SLC35F1: variants seen among roughly 807,000 people sequenced by gnomAD.
SLC35F1 encodes chromosome 6 open reading frame 169.
SLC35F1 carries 14 observed loss-of-function variants against 48.7 expected under a neutral mutation model. The observed-to-expected ratio is 0.29, with a 90% confidence interval of 0.19 to 0.45. SLC35F1 has a LOEUF of 0.45. SLC35F1 is among the 20% of genes least tolerant of loss of function. The pLI, the probability that SLC35F1 is intolerant of heterozygous loss-of-function variation, is 1.00. For missense variants in SLC35F1, 404 were observed against 500.0 expected, an observed-to-expected ratio of 0.81 and a Z score of 1.83; for synonymous variants, 190 against 202.2, an observed-to-expected ratio of 0.94 and a Z score of 0.51.
chr6:118,314,367 C>A lies in SLC35F1; in HGVS notation c.*115C>A. ...AGGTGCAGTTTACACAGGTGGACTGCAAGGTAGCAAATCCTCCAAAAGCTT... is the reference window on the plus strand; with the variant it reads ...AGGTGCAGTTTACACAGGTGGACTGAAAGGTAGCAAATCCTCCAAAAGCTT... On this transcript the variant is annotated 3_prime_UTR_variant, in exon 8 of 8. Transcript: ENST00000360388. 1.2e-6 allele frequency: 1 copy of A among 866,824 alleles called. No homozygotes were observed. Among genetic ancestry groups the A allele is most frequent in the Non-Finnish European group, 1.8e-6 (1 of 555,544 alleles). The allele number at this position is 866,824 out of a possible 1,614,324, so 53.7% of individuals were successfully genotyped here. A position where few individuals can be genotyped will look rare whatever the true frequency, so the allele number is the denominator to read the frequency against.
intron 7 of SLC35F1, among the ~76,000 whole-genome samples, chr6:118,300,858 C>G (rs1298712289): frequency 6.6e-6 from 1 of 152,114 alleles, no homozygotes; most frequent in Non-Finnish European, 1.5e-5. Context: ...GAGTCCTCAG[C>G]TTTAGCAATG....
intron 1 of SLC35F1, among the ~76,000 whole-genome samples, chr6:118,035,646 C>G (rs998561865): frequency 6.9e-6 from 1 of 144,878 alleles, no homozygotes; most frequent in African/African-American, 2.5e-5. Context: ...CAAAACAAAA[C>G]AAAACCAAAA....
chr6:118,302,959 A>C (rs1776271111), intron 7 of SLC35F1, among the ~76,000 whole-genome samples: 1 of 145,852 alleles, frequency 6.9e-6, no homozygotes, highest in South Asian at 2.2e-4. Flanking sequence ...ACTGTTTATC[A>C]GGAAACAAAC....
At chr6:118,216,158 A>G (rs1348344467) in intron 2 of SLC35F1, among the ~76,000 whole-genome samples, 1 of 150,726 alleles carries the variant, frequency 6.6e-6, no homozygotes, top group Non-Finnish European at 1.5e-5. Flanking sequence ...GTTCACTGCA[A>G]CCTTGTTTTC....
chr6:118,200,719 T>G (rs1486935634), intron 2 of SLC35F1, among the ~76,000 whole-genome samples: 1 of 152,102 alleles, frequency 6.6e-6, no homozygotes, highest in Non-Finnish European at 1.5e-5. Context: ...GCCTTAGAAT[T>G]AGAGGTTTAT....
At chr6:118,300,378 A>G (rs939453408) in intron 7 of SLC35F1, among the ~76,000 whole-genome samples, 2 of 152,218 alleles carry the variant, frequency 1.3e-5, no homozygotes, top group African/African-American at 2.4e-5. Flanking sequence ...TCTGGAACCA[A>G]TTCCCCATGG....
chr6:118,150,167 T>C (rs1409417211), intron 1 of SLC35F1, among the ~76,000 whole-genome samples: 1 of 152,104 alleles, frequency 6.6e-6, no homozygotes, highest in Non-Finnish European at 1.5e-5. Context: ...CTTATAAGGT[T>C]TTTATGAGGA....
chr6:118,183,466 T>G (rs1774611566), intron 2 of SLC35F1, among the ~76,000 whole-genome samples: 1 of 151,862 alleles, frequency 6.6e-6, no homozygotes, highest in Non-Finnish European at 1.5e-5. Flanking sequence ...ATTGTGCACA[T>G]GTACCCTAAA....
At chr6:118,253,713 G>A (rs1240582687) in intron 3 of SLC35F1, among the ~76,000 whole-genome samples, 2 of 151,840 alleles carry the variant, frequency 1.3e-5, no homozygotes, top group Non-Finnish European at 2.9e-5. Context: ...AGGAGAGAGT[G>A]GTTAGCAATG....
chr6:118,141,549 G>A (rs1562303029), intron 1 of SLC35F1, among the ~76,000 whole-genome samples: 1 of 152,120 alleles, frequency 6.6e-6, no homozygotes, highest in East Asian at 1.9e-4. Context: ...TGCTAGGATG[G>A]TCAGGTTCCT....
At chr6:118,169,366 T>C (rs1470602223) in intron 2 of SLC35F1, among the ~76,000 whole-genome samples, 1 of 152,192 alleles carries the variant, frequency 6.6e-6, no homozygotes, top group African/African-American at 2.4e-5. Flanking sequence ...ATCTCCCATA[T>C]ATCTATGCAG....
chr6:118,260,666 A>G (rs1039435568), intron 3 of SLC35F1, among the ~76,000 whole-genome samples: 2 of 152,186 alleles, frequency 1.3e-5, no homozygotes, highest in African/African-American at 4.8e-5. Context: ...TATCTTGTTC[A>G]TCTATATATG....
intron 1 of SLC35F1, among the ~76,000 whole-genome samples, chr6:118,023,478 A>G (rs926583355): frequency 6.6e-6 from 1 of 152,160 alleles, no homozygotes; most frequent in African/African-American, 2.4e-5. Context: ...CTCTTTGAAC[A>G]TCTTTTTCCT....
chr6:118,242,767 G>A (rs1775457434), intron 3 of SLC35F1, among the ~76,000 whole-genome samples: 1 of 152,164 alleles, frequency 6.6e-6, no homozygotes, highest in Non-Finnish European at 1.5e-5. Context: ...TTAAACTAGT[G>A]TTTCTGTGAA....
chr6:118,255,548 T>C (rs1011826368), intron 3 of SLC35F1, among the ~76,000 whole-genome samples: 6 of 152,200 alleles, frequency 3.9e-5, no homozygotes, highest in African/African-American at 1.4e-4. Context: ...CCTAGATTTC[T>C]AGGTACTTGT....
chr6:118,202,213 G>T (rs1028558707), intron 2 of SLC35F1, among the ~76,000 whole-genome samples: 1 of 152,176 alleles, frequency 6.6e-6, no homozygotes, highest in East Asian at 1.9e-4. Flanking sequence ...GGCTGCACCG[G>T]AGCAGGTGCA....
rs1776498337 is a variant in SLC35F1, at chr6:117,961,509, AG to A, written c.173+53611del. ...GTTGCTTCGTCGGGTCTAGAAGGGA[AG>A]TGATTTCCAGGACCTCTCAATCCTG... is the stretch of plus-strand genomic sequence containing the variant. On this transcript the variant is annotated intron_variant, in intron 1 of 7. Coordinates refer to ENST00000360388, the MANE Select transcript of SLC35F1 (RefSeq NM_001029858.4). Among the ~76,000 whole-genome samples the A allele has an allele frequency of 5.3e-5, 8 of 152,276 alleles. No individual in the cohort carries two copies. In the South Asian group the frequency reaches 1.7e-3, roughly 32 times the overall value.
intron 1 of SLC35F1, among the ~76,000 whole-genome samples, chr6:117,932,182 G>A (rs558597964): frequency 7.2e-5 from 11 of 152,274 alleles, no homozygotes; most frequent in Admixed American, 2.0e-4. Flanking sequence ...AGAGAGCAGC[G>A]CTCACTAGAC....
chr6:117,971,642 A>G (rs1252419303), intron 1 of SLC35F1, among the ~76,000 whole-genome samples: 1 of 152,268 alleles, frequency 6.6e-6, no homozygotes, highest in Non-Finnish European at 1.5e-5. Context: ...GAAGGTTCCC[A>G]AACCTCAGTT....
Sources: gnomAD v4.1 joint callset for allele counts (sites outside exome capture counted in the v4.1 genomes callset) on GRCh38, gnomAD v4.1.1 for gene constraint, MANE v1.5 for transcripts, NCBI Gene and HGNC (gene_info 2026-07-23, HGNC 2026-07-21) for gene names.